The following ARHGEF7 variants were observed in gnomAD, a reference collection of about 807,000 sequenced individuals.
ARHGEF7 encodes the protein Rho guanine nucleotide exchange factor 7, also known as PAK-interacting exchange factor beta.
ARHGEF7 carries 33 observed loss-of-function variants against 109.8 expected under a neutral mutation model. The ratio of observed to expected loss-of-function variants is 0.30; its 90% CI spans 0.23 to 0.40. The LOEUF is 0.40. ARHGEF7 is among the 10% of genes least tolerant of loss of function. ARHGEF7 has a pLI of 1.00. For synonymous variants in ARHGEF7, 458 were observed against 424.6 expected (o/e 1.08, Z -0.97); for missense variants, 938 against 1,098.5 (o/e 0.85, Z 2.07).
chr13:111,282,813 A>G (rs1301126339), intron 15 of ARHGEF7: 2 of 412,038 alleles, frequency 4.9e-6, no homozygotes, highest in Non-Finnish European at 8.7e-6. Flanking sequence ...TACTAGATGA[A>G]GTACCTTTTT....
At chr13:111,120,798 C>T (rs966563631) in intron 1 of ARHGEF7, among the ~76,000 whole-genome samples, 7 of 152,242 alleles carry the variant, frequency 4.6e-5, no homozygotes, top group African/African-American at 1.4e-4. Flanking sequence ...TTTGCAGGCG[C>T]TGTCCCTCGC....
Position 111,217,722 on chromosome 13 carries a change from A to G in ARHGEF7, c.512A>G (p.Lys171Arg), listed in dbSNP as rs543786979. ...AACAATCAACTGGTAGTAAGAGCAA[A>G]GTTTAACTTCCAGCAGACCAATGAG... Reference protein sequence around the residue: ...NSNNQLVVRAKFNFQQTNEDE... With the variant: ...NSNNQLVVRARFNFQQTNEDE... The change falls in exon 5 of 22, where the codon AAG (lysine) becomes AGG (arginine). Residue 171 changes from lysine to arginine, a missense_variant. Around this residue, in one of 4 missense-constraint regions of ARHGEF7, gnomAD observed 585 missense variants for 723.6 expected, o/e 0.81. Transcript: ENST00000646102. 3.1e-6 allele frequency: 5 copies of G among 1,614,218 alleles called. No homozygotes were observed. The highest frequency in any genetic ancestry group is 4.5e-5 in the East Asian group (2 of 44,884).
At chr13:111,127,194 G>T (rs1180799503) in intron 1 of ARHGEF7, among the ~76,000 whole-genome samples, 1 of 152,144 alleles carries the variant, frequency 6.6e-6, no homozygotes, top group African/African-American at 2.4e-5. Flanking sequence ...AAGACACGAA[G>T]CTCACTAAAG....
In ARHGEF7 at chr13:111,283,153, G is replaced by A. The variant is rs771954237; in HGVS notation, c.1740G>A (p.Pro580=). 19 of 1,589,002 alleles carry A rather than the reference G, an allele frequency of 1.2e-5. No homozygotes were observed. The highest frequency in any genetic ancestry group is 4.6e-5 in the East Asian group (2 of 43,934). Residue 580 remains proline, a synonymous_variant, in exon 16 of 22, where the codon CCG becomes CCA. Transcript: ENST00000646102. ...SVPSHTLPSH[P]VTPSSKHADS... Reference sequence around the variant, plus strand: ...GCCCTTGGCAGCTCCCCTCCCACCCGGTCACTCCGTCCAGCAAGCACGCAG... The same window carrying A: ...GCCCTTGGCAGCTCCCCTCCCACCCAGTCACTCCGTCCAGCAAGCACGCAG...
At chr13:111,186,708 A>G (rs2079294602) in intron 2 of ARHGEF7, 4 of 599,348 alleles carry the variant, frequency 6.7e-6, no homozygotes, top group Non-Finnish European at 8.4e-6. Context: ...TGTGCTAAAA[A>G]TAACAATTTC....
At chr13:111,241,645 G>A (rs2087801303) in intron 6 of ARHGEF7, among the ~76,000 whole-genome samples, 1 of 152,154 alleles carries the variant, frequency 6.6e-6, no homozygotes, top group Non-Finnish European at 1.5e-5. Context: ...TACAACCAGC[G>A]CTTAGTGCTG....
chr13:111,138,121 C>A (rs2075169310), intron 1 of ARHGEF7, among the ~76,000 whole-genome samples: 1 of 152,042 alleles, frequency 6.6e-6, no homozygotes, highest in Non-Finnish European at 1.5e-5. Context: ...CGAGACCAGC[C>A]TGACCAACAT....
rs892627378 is a variant in ARHGEF7 at position 111,228,159 on chromosome 13, C to T, written c.671-5046C>T. Among the ~76,000 whole-genome samples the T allele has an allele frequency of 3.3e-5, 5 of 152,174 alleles. No homozygotes were observed. The highest frequency in any genetic ancestry group is 6.5e-5 in the Admixed American group (1 of 15,286). On this transcript the variant is annotated intron_variant, in intron 5 of 21. Coordinates refer to ENST00000646102, the MANE Select transcript of ARHGEF7 (RefSeq NM_001354046.2). The surrounding 1 kb of genome is among the most constrained non-coding windows in gnomAD (Gnocchi z 4.6). ...CTGGCATCCAAAAAAGAGGAGGGGG[C>T]GCTTTTATAGAATGAAAGAGACTTT...
Position 111,300,735 on chromosome 13 carries a change from T to C in ARHGEF7, c.2312-13T>C. 1 of 1,569,490 alleles carries C rather than the reference T, an allele frequency of 6.4e-7. No individual in the cohort carries two copies. Among genetic ancestry groups the C allele is most frequent in the Non-Finnish European group, 8.7e-7 (1 of 1,153,582 alleles). ...TCGCCTGAGGTTTATTTATTATTTTTTCATGATCCTAGGTTCACGCAAAGA... is the reference window on the plus strand; with the variant it reads ...TCGCCTGAGGTTTATTTATTATTTTCTCATGATCCTAGGTTCACGCAAAGA... On this transcript the variant is annotated splice_polypyrimidine_tract_variant and intron_variant, in intron 19 of 21. Transcript: ENST00000646102.
At chr13:111,299,532 C>T (rs538667604) in intron 19 of ARHGEF7, among the ~76,000 whole-genome samples, 10 of 151,754 alleles carry the variant, frequency 6.6e-5, no homozygotes, top group South Asian at 2.1e-4. Flanking sequence ...TTAGTAGAGA[C>T]GGGGTTTCAC....
chr13:111,244,398 CTT>C (rs765482531), intron 8 of ARHGEF7, 104 bp downstream of exon 8: 30 of 710,844 alleles, frequency 4.2e-5, no homozygotes, highest in Non-Finnish European at 6.7e-5. Flanking sequence ...AAGATGCAAA[CTT>C]AAGTTATTTT....
intron 1 of ARHGEF7, among the ~76,000 whole-genome samples, chr13:111,122,187 C>G (rs560029776): frequency 6.6e-6 from 1 of 152,320 alleles, no homozygotes; most frequent in East Asian, 1.9e-4. Flanking sequence ...AGCGCCAGAT[C>G]TGGGCGCAGC....
At chr13:111,154,140 G>C (rs1427483664) in intron 2 of ARHGEF7, 149 bp downstream of exon 2, 5 of 863,706 alleles carry the variant, frequency 5.8e-6, no homozygotes, top group East Asian at 3.3e-5. Flanking sequence ...TGTGTGGAAC[G>C]GGGCGTTGCG....
intron 16 of ARHGEF7, among the ~76,000 whole-genome samples, chr13:111,284,398 C>T (rs2092927861): frequency 1.3e-5 from 2 of 152,156 alleles, no homozygotes; most frequent in Non-Finnish European, 2.9e-5. Flanking sequence ...TTTATGATAT[C>T]TTTCAGGTAA....
In ARHGEF7 at chr13:111,272,151, C is replaced by T. The variant is rs74126775; in HGVS notation, c.1074-1663C>T. 3.4e-4 allele frequency among the ~76,000 whole-genome samples: 52 copies of T among 152,298 alleles called. No homozygotes were observed. Among genetic ancestry groups the T allele is most frequent in the African/African-American group, 1.2e-3 (51 of 41,574 alleles). On this transcript the variant is annotated intron_variant, in intron 9 of 21. Coordinates refer to ENST00000646102, the MANE Select transcript of ARHGEF7 (RefSeq NM_001354046.2). The surrounding 1 kb of genome is among the most constrained non-coding windows in gnomAD (Gnocchi z 5.2). ...TTGGAGGACATTCTCCCTGGCTGCC[C>T]TGGCAGGGGATCCACATGGAATAAG...
intron 13 of ARHGEF7, among the ~76,000 whole-genome samples, chr13:111,279,709 T>A (rs1048553094): frequency 1.3e-5 from 2 of 152,236 alleles, no homozygotes; most frequent in Non-Finnish European, 2.9e-5. Context: ...AGTTACCGAT[T>A]TCTTCTGTTT....
At chr13:111,205,169 A>G in intron 2 of ARHGEF7, 120 bp from the exon 3 acceptor site, 1 of 676,046 alleles carries the variant, frequency 1.5e-6, no homozygotes, top group Non-Finnish European at 2.5e-6. Context: ...TCCCTGTCGC[A>G]GGTTGTGCGG....
chr13:111,269,674 A>G (rs2091974979), intron 9 of ARHGEF7, among the ~76,000 whole-genome samples: 2 of 152,108 alleles, frequency 1.3e-5, no homozygotes, highest in Admixed American at 1.3e-4. Flanking sequence ...GCTGGGAGTC[A>G]GAGCTGCGGC....
At chr13:111,280,900 C>A in intron 15 of ARHGEF7, 1 of 489,922 alleles carries the variant, frequency 2.0e-6, no homozygotes, top group Non-Finnish European at 3.5e-6. Context: ...TGCCTCCTCA[C>A]GCACAGTTCA....
Sources: gnomAD v4.1 joint callset for allele counts (sites outside exome capture counted in the v4.1 genomes callset) on GRCh38, gnomAD v4.1.1 for gene constraint, gnomAD v4.1.1 regional missense constraint, Gnocchi (gnomAD v3.1) non-coding constraint, MANE v1.5 for transcripts, NCBI Gene and HGNC (gene_info 2026-07-23, HGNC 2026-07-21) for gene names.